The following INTS9 variants were observed in gnomAD, a reference collection of about 807,000 sequenced individuals.
The protein encoded by INTS9 is protein related to CPSF subunits of 74 kDa.
Under a neutral mutation model 79.7 loss-of-function variants are expected in INTS9, and 55 were observed. That is an observed-to-expected ratio of 0.69 (90% confidence interval 0.56 to 0.86). INTS9 has a LOEUF of 0.86. INTS9 is among the 40% of genes least tolerant of loss of function. The pLI is 0.00. For missense variants in INTS9, 721 were observed against 831.5 expected, an observed-to-expected ratio of 0.87 and a Z score of 1.64; for synonymous variants, 319 against 325.2, an observed-to-expected ratio of 0.98 and a Z score of 0.20.
At chr8:28,833,188 G>C (rs1441960272) in intron 6 of INTS9, among the ~76,000 whole-genome samples, 1 of 152,102 alleles carries the variant, frequency 6.6e-6, no homozygotes, top group East Asian at 1.9e-4. Context: ...ATCAAAAGAA[G>C]ATCTGCAAAA....
chr8:28,873,199 G>A (rs1809188928), intron 1 of INTS9, among the ~76,000 whole-genome samples: 1 of 152,188 alleles, frequency 6.6e-6, no homozygotes, highest in Admixed American at 6.5e-5. Flanking sequence ...TTGCCTGACA[G>A]TTTACCACTG....
chr8:28,803,995 C>G (rs1432682222), intron 8 of INTS9, among the ~76,000 whole-genome samples: 1 of 152,158 alleles, frequency 6.6e-6, no homozygotes, highest in Non-Finnish European at 1.5e-5. Context: ...GCAGTCACAG[C>G]TCACTGCAGC....
rs763903311 is a variant in INTS9, at chr8:28,775,745, G to T, written c.1563+14C>A. On this transcript the variant is annotated intron_variant, in intron 14 of 16. Coordinates refer to ENST00000521022, the MANE Select transcript of INTS9 (RefSeq NM_018250.4). The stretch of plus-strand genomic sequence containing the variant: ...GAAAGCTCTAGTTTAACCCTAGGAA[G>T]GAGAACAGCTCACCTCTGGCATGAT... 4.3e-6 allele frequency: 7 copies of T among 1,613,640 alleles called. 1 individual carries two copies. The East Asian group carries it at 1.6e-4, about 36-fold the overall frequency.
chr8:28,778,233 C>A (rs1585334452), intron 12 of INTS9, among the ~76,000 whole-genome samples: 1 of 152,146 alleles, frequency 6.6e-6, no homozygotes, highest in Non-Finnish European at 1.5e-5. Flanking sequence ...CAACGAAATG[C>A]CAAGAAACAA....
intron 8 of INTS9, among the ~76,000 whole-genome samples, chr8:28,797,520 T>C (rs1237678291): frequency 6.6e-6 from 1 of 152,218 alleles, no homozygotes; most frequent in Non-Finnish European, 1.5e-5. Flanking sequence ...TCTTGTGAAC[T>C]AGGAACTCCC....
At chr8:28,859,935 T>C (rs1808363798) in intron 1 of INTS9, among the ~76,000 whole-genome samples, 1 of 152,228 alleles carries the variant, frequency 6.6e-6, no homozygotes. Flanking sequence ...TGGATGTCAA[T>C]GAAACTCTAA....
At chr8:28,859,741 A>G in intron 1 of INTS9, 178 bp from the exon 2 acceptor site, 1 of 720,396 alleles carries the variant, frequency 1.4e-6, no homozygotes, top group South Asian at 1.5e-5. Flanking sequence ...AGCCGTTCAA[A>G]ATACTCAAAA....
chr8:28,847,982 C>T (rs1039239456), intron 3 of INTS9, among the ~76,000 whole-genome samples: 9 of 152,330 alleles, frequency 5.9e-5, no homozygotes, highest in Admixed American at 3.3e-4. Flanking sequence ...CAAAGCCATA[C>T]AGATACCGGC....
chr8:28,821,483 C>A (rs572769429), intron 6 of INTS9, among the ~76,000 whole-genome samples: 1 of 152,172 alleles, frequency 6.6e-6, no homozygotes, highest in African/African-American at 2.4e-5. Context: ...CTGGGAGATA[C>A]AATTCAAGTT....
chr8:28,879,903 G>A (rs1809605563), intron 1 of INTS9, among the ~76,000 whole-genome samples: 1 of 151,812 alleles, frequency 6.6e-6, no homozygotes, highest in Non-Finnish European at 1.5e-5. Context: ...AGGCCTGGAG[G>A]TAGTAACGGA....
At chr8:28,847,591 C>A (rs1042424553) in intron 3 of INTS9, among the ~76,000 whole-genome samples, 1 of 152,050 alleles carries the variant, frequency 6.6e-6, no homozygotes, top group African/African-American at 2.4e-5. Context: ...CATTATAAAC[C>A]AAATGTATTT....
chr8:28,856,423 G>A (rs537300733), intron 2 of INTS9, among the ~76,000 whole-genome samples: 7 of 152,108 alleles, frequency 4.6e-5, no homozygotes, highest in Admixed American at 2.0e-4. Context: ...TGTTTTTGTT[G>A]TTGTTTTTTT....
In INTS9 at chr8:28,775,758, C is replaced by G. The variant is rs1389872655; in HGVS notation, c.1563+1G>C. 3.1e-6 allele frequency: 5 copies of G among 1,613,942 alleles called. No homozygotes were observed. In the African/African-American group the frequency reaches 5.3e-5, roughly 17 times the overall value. On this transcript the variant is annotated splice_donor_variant, in intron 14 of 16. Transcript: ENST00000521022. LOFTEE classifies it high-confidence loss of function. ...TAACCCTAGGAAGGAGAACAGCTCA[C>G]CTCTGGCATGATCTCGATCTTCTCG...
intron 5 of INTS9, 100 bp from the exon 6 acceptor site, chr8:28,835,478 C>T (rs1806758399): frequency 5.6e-6 from 3 of 533,438 alleles, no homozygotes; most frequent in South Asian, 3.0e-5. Flanking sequence ...CCCACCTCCC[C>T]CTACACCATT....
chr8:28,810,669 C>A (rs1328617711), intron 8 of INTS9, among the ~76,000 whole-genome samples: 1 of 152,056 alleles, frequency 6.6e-6, no homozygotes, highest in African/African-American at 2.4e-5. Context: ...CCACAAGTTA[C>A]CTAATGTATC....
In INTS9 at chr8:28,864,572, CAAT is replaced by C. The variant is rs372119562; in HGVS notation, c.10-5012_10-5010del. ...TACATACCACTGAGAAAAACAGCAACAATGAGAAATCATAACACAGTGCTTTAA... is the reference window on the plus strand; with the variant it reads ...TACATACCACTGAGAAAAACAGCAACGAGAAATCATAACACAGTGCTTTAA... On this transcript the variant is annotated intron_variant, in intron 1 of 16. Transcript: ENST00000521022. Among the ~76,000 whole-genome samples the C allele has an allele frequency of 2.0e-4, 31 of 152,164 alleles. No individual in the cohort carries two copies. The East Asian group carries it at 5.8e-3, about 28-fold the overall frequency.
chr8:28,806,907 G>A (rs781632285), intron 8 of INTS9, among the ~76,000 whole-genome samples: 9 of 151,996 alleles, frequency 5.9e-5, no homozygotes, highest in African/African-American at 9.7e-5. Flanking sequence ...TACATTTATC[G>A]AAAAGCAAAC....
rs1399701822 is a variant in INTS9, at chr8:28,846,779, C to T, written c.229G>A (p.Val77Met). The change falls in exon 4 of 17, where the codon GTG (valine) becomes ATG (methionine). Residue 77 changes from valine (V) to methionine (M), a missense_variant. Around this residue, in one of 3 missense-constraint regions of INTS9, gnomAD observed 291 missense variants for 307.0 expected, o/e 0.95. Transcript: ENST00000521022. ...ELKECSGHVF[V>M]DSVPEFCLPE... ...AAACAGAATTCCGGCACAGAATCCACAAATACATGACCCGAGCACTCCTTT... is the reference window on the plus strand; with the variant it reads ...AAACAGAATTCCGGCACAGAATCCATAAATACATGACCCGAGCACTCCTTT... 1 of 1,613,676 alleles carries T rather than the reference C, an allele frequency of 6.2e-7. No individual in the cohort carries two copies. Among genetic ancestry groups the T allele is most frequent in the South Asian group, 1.1e-5 (1 of 91,070 alleles).
intron 1 of INTS9, among the ~76,000 whole-genome samples, chr8:28,867,550 G>C (rs1373622226): frequency 7.5e-6 from 1 of 133,764 alleles, no homozygotes; most frequent in Non-Finnish European, 1.6e-5. Flanking sequence ...AAAAAAAAAG[G>C]CTATACAAAC....
Sources: gnomAD v4.1 joint callset for allele counts (sites outside exome capture counted in the v4.1 genomes callset) on GRCh38, gnomAD v4.1.1 for gene constraint, gnomAD v4.1.1 regional missense constraint, MANE v1.5 for transcripts, NCBI Gene and HGNC (gene_info 2026-07-23, HGNC 2026-07-21) for gene names.